PRKN: variants seen among roughly 807,000 people sequenced by gnomAD.
The protein encoded by PRKN is E3 ubiquitin-protein ligase parkin.
A neutral mutation model predicts 59.5 loss-of-function variants in PRKN; 56 were observed. The ratio of observed to expected loss-of-function variants is 0.94; its 90% confidence interval spans 0.76 to 1.18. The LOEUF is 1.18. PRKN is among the 50% of genes most tolerant of loss of function. The pLI, the probability that PRKN is intolerant of heterozygous loss-of-function variation, is 0.00. For missense variants in PRKN, 657 were observed against 596.4 expected (o/e 1.10, Z -1.06); for synonymous variants, 250 against 222.1 (o/e 1.13, Z -1.12).
chr6:161,644,171 T>C (rs1026817158), intron 7 of PRKN, among the ~76,000 whole-genome samples: 7 of 152,200 alleles, frequency 4.6e-5, no homozygotes, highest in Admixed American at 3.9e-4. Context: ...TGAGGGATGC[T>C]TGGAGTCAGC....
At chr6:161,920,033 C>A (rs1778719669) in intron 6 of PRKN, among the ~76,000 whole-genome samples, 1 of 152,192 alleles carries the variant, frequency 6.6e-6, no homozygotes. Flanking sequence ...ATGGTAGAGC[C>A]TTTTGCTGCT....
Position 161,517,761 on chromosome 6 carries a change from A to AAAAAG in PRKN, c.1083+31088_1083+31092dup, listed in dbSNP as rs1562499837. Among the ~76,000 whole-genome samples, 11 of 149,408 alleles carry AAAAAG rather than the reference A, an allele frequency of 7.4e-5. 1 individual carries two copies. Among genetic ancestry groups the AAAAAG allele is most frequent in the Admixed American group, 2.0e-4 (3 of 15,042 alleles). ...TCTCAAAAAAAAAAAAAAAAAAAAAAAAAAGAGTTGAGGTGGTAGTTGCAC... is the reference window on the plus strand; with the variant it reads ...TCTCAAAAAAAAAAAAAAAAAAAAAAAAAAGAAAAGAGTTGAGGTGGTAGTTGCAC... On this transcript the variant is annotated intron_variant, in intron 9 of 11. Transcript: ENST00000366898.
intron 4 of PRKN, among the ~76,000 whole-genome samples, chr6:162,143,185 C>T (rs1781863338): frequency 6.6e-6 from 1 of 152,164 alleles, no homozygotes; most frequent in African/African-American, 2.4e-5. Context: ...AAATGGCCAC[C>T]CACAACACTA....
At chr6:162,237,368 C>T (rs1247323209) in intron 3 of PRKN, among the ~76,000 whole-genome samples, 2 of 152,190 alleles carry the variant, frequency 1.3e-5, no homozygotes, top group African/African-American at 2.4e-5. Flanking sequence ...ACCACCACCA[C>T]TTAACCACAA....
rs1466208295 is a variant in PRKN at position 161,410,709 on chromosome 6, G to A, written c.1084-23832C>T. 6.6e-6 allele frequency among the ~76,000 whole-genome samples: 1 copy of A among 152,086 alleles called. No individual in the cohort carries two copies. The highest frequency in any genetic ancestry group is 1.5e-5 in the Non-Finnish European group (1 of 68,020). Reference sequence around the variant, plus strand: ...GGGAGGATGCAGGGAAGAGAATCGGGGTCACTGTGAGGGAGGGGCAACAGT... The same window carrying A: ...GGGAGGATGCAGGGAAGAGAATCGGAGTCACTGTGAGGGAGGGGCAACAGT... On this transcript the variant is annotated intron_variant, in intron 9 of 11. Coordinates refer to ENST00000366898, the MANE Select transcript of PRKN (RefSeq NM_004562.3). The surrounding 1 kb of genome is among the most constrained non-coding windows in gnomAD (Gnocchi z 5.3).
intron 3 of PRKN, among the ~76,000 whole-genome samples, chr6:162,248,199 G>A (rs1004758346): frequency 6.6e-6 from 1 of 152,148 alleles, no homozygotes; most frequent in African/African-American, 2.4e-5. Context: ...TACATGAAAT[G>A]TTATGCACAG....
chr6:162,690,438 T>G (rs934060884), intron 1 of PRKN, among the ~76,000 whole-genome samples: 1 of 152,192 alleles, frequency 6.6e-6, no homozygotes, highest in South Asian at 2.1e-4. Flanking sequence ...GCACAGCTCA[T>G]TTACTCCACA....
At chr6:162,070,189 A>G (rs1473777122) in intron 4 of PRKN, among the ~76,000 whole-genome samples, 3 of 152,246 alleles carry the variant, frequency 2.0e-5, no homozygotes, top group Non-Finnish European at 4.4e-5. Context: ...CCCAAGCCCA[A>G]GTATTCACTG....
rs553904996 is a variant in PRKN, at chr6:162,511,531, G to A, written c.8-68058C>T. Among the ~76,000 whole-genome samples, 26 of 152,224 alleles carry A rather than the reference G, an allele frequency of 1.7e-4. No homozygotes were observed. The South Asian group carries it at 5.2e-3, about 30-fold the overall frequency. On this transcript the variant is annotated intron_variant, in intron 1 of 11. Coordinates refer to ENST00000366898, the MANE Select transcript of PRKN (RefSeq NM_004562.3). ...CTTATATGTAAATTCTGCAACTGTA[G>A]AAAATGTAGATAATTAAAAGGGAAT...
intron 2 of PRKN, among the ~76,000 whole-genome samples, chr6:162,376,827 AGGGAGAGGGAGGGAGGG>A (rs1786124271): frequency 1.5e-5 from 1 of 66,792 alleles, no homozygotes; most frequent in Non-Finnish European, 2.7e-5. Context: ...GAACAGGGAG[AGGGAGAGGGAGGGAGGG>A]GGGAGGGGGA....
intron 5 of PRKN, among the ~76,000 whole-genome samples, chr6:161,989,607 C>T (rs903891459): frequency 2.6e-5 from 4 of 152,130 alleles, no homozygotes; most frequent in African/African-American, 7.2e-5. Flanking sequence ...GTCCCAGCCG[C>T]CACAGCCTGC....
At chr6:162,635,926 C>G (rs1236347609) in intron 1 of PRKN, among the ~76,000 whole-genome samples, 1 of 151,998 alleles carries the variant, frequency 6.6e-6, no homozygotes, top group African/African-American at 2.4e-5. Flanking sequence ...AAAAGCCTCC[C>G]AAATGAAAAC....
chr6:161,795,992 T>A (rs928029662), intron 6 of PRKN, among the ~76,000 whole-genome samples: 9 of 152,218 alleles, frequency 5.9e-5, no homozygotes, highest in Non-Finnish European at 1.0e-4. Context: ...AATATAATGA[T>A]AATGCTTCTA....
intron 2 of PRKN, among the ~76,000 whole-genome samples, chr6:162,304,523 CTATCTATCTATCTATCTATCTATTT>C (rs1562655056): frequency 1.4e-5 from 2 of 141,374 alleles, no homozygotes; most frequent in African/African-American, 5.2e-5. Context: ...ATCTATCTAT[CTATCTATCTATCTATCTATCTATTT>C]ATCCATCTGT....
rs1011276006 is a variant in PRKN at position 161,386,974 on chromosome 6, G to T, written c.1084-97C>A. On this transcript the variant is annotated intron_variant, in intron 9 of 11. Transcript: ENST00000366898. The surrounding 1 kb of genome is among the most constrained non-coding windows in gnomAD (Gnocchi z 4.3). ...CAAATTCATTATATTCATTCCTCTGGCTTGTGCAACAGTTTCTGTATAAAA... is the reference window on the plus strand; with the variant it reads ...CAAATTCATTATATTCATTCCTCTGTCTTGTGCAACAGTTTCTGTATAAAA... 4 of 950,770 alleles carry T rather than the reference G, an allele frequency of 4.2e-6. No homozygotes were observed. The highest frequency in any genetic ancestry group is 6.9e-6 in the Non-Finnish European group (4 of 577,764). The allele number at this position is 950,770 out of a possible 1,614,324, so 58.9% of individuals were successfully genotyped here. A position where few individuals can be genotyped will look rare whatever the true frequency, so the allele number is the denominator to read the frequency against.
chr6:161,834,322 A>AAGGCCTCAC (rs2128219289), intron 6 of PRKN, among the ~76,000 whole-genome samples: 1 of 152,288 alleles, frequency 6.6e-6, no homozygotes, highest in East Asian at 1.9e-4. Context: ...TTGCAGGTAG[A>AAGGCCTCAC]AGGCCTCACA....
At chr6:162,539,760 C>A (rs1302140655) in intron 1 of PRKN, among the ~76,000 whole-genome samples, 1 of 151,954 alleles carries the variant, frequency 6.6e-6, no homozygotes, top group East Asian at 1.9e-4. Context: ...TGCAGCTATG[C>A]GAAATTTAAT....
intron 2 of PRKN, among the ~76,000 whole-genome samples, chr6:162,418,135 T>C (rs1788739934): frequency 6.6e-6 from 1 of 152,100 alleles, no homozygotes; most frequent in Non-Finnish European, 1.5e-5. Context: ...AGTGGATAAA[T>C]AAAATATGGT....
At chr6:161,727,079 C>T (rs1323567724) in intron 7 of PRKN, among the ~76,000 whole-genome samples, 4 of 152,122 alleles carry the variant, frequency 2.6e-5, no homozygotes, top group African/African-American at 9.7e-5. Context: ...TGTCATGGAT[C>T]CTAAGAGAAC....
Sources: gnomAD v4.1 joint callset for allele counts (sites outside exome capture counted in the v4.1 genomes callset) on GRCh38, gnomAD v4.1.1 for gene constraint, Gnocchi (gnomAD v3.1) non-coding constraint, MANE v1.5 for transcripts, NCBI Gene and HGNC (gene_info 2026-07-23, HGNC 2026-07-21) for gene names.